RFTN1: variants seen among roughly 807,000 people sequenced by gnomAD.
RFTN1 encodes raftlin, lipid raft linker 1.
A neutral mutation model predicts 46.5 loss-of-function variants in RFTN1; 26 were observed. The observed-to-expected ratio is 0.56, with a 90% CI of 0.41 to 0.78. RFTN1 has a LOEUF of 0.78. RFTN1 is among the 30% of genes least tolerant of loss of function. RFTN1 has a pLI of 0.00. For synonymous variants in RFTN1, 261 were observed against 284.2 expected (o/e 0.92, Z 0.82); for missense variants, 693 against 718.7 (o/e 0.96, Z 0.41).
chr3:16,445,838 A>C (rs952892009), intron 2 of RFTN1, among the ~76,000 whole-genome samples: 1 of 152,178 alleles, frequency 6.6e-6, no homozygotes, highest in Non-Finnish European at 1.5e-5. Flanking sequence ...TCCATTGGAC[A>C]GCTCTGTTCT....
At position 16,353,753 on chromosome 3, in the gene RFTN1, C is replaced by T. The variant is rs1559851368; in HGVS notation, c.1146+4179G>A. 6.6e-6 allele frequency among the ~76,000 whole-genome samples: 1 copy of T among 152,132 alleles called. No individual in the cohort carries two copies. Among genetic ancestry groups the T allele is most frequent in the South Asian group, 2.1e-4 (1 of 4,822 alleles). ...GAGACACCAGAGTAGCCCCCTCCCA[C>T]CTGTGCGTGCTCAGAGGCAAGGGCA... On this transcript the variant is annotated intron_variant, in intron 7 of 9. Transcript: ENST00000334133. This position sits in a 1 kb window ranked among gnomAD's most constrained non-coding sequence, Gnocchi z 5.4.
Position 16,320,767 on chromosome 3 carries a change from A to C in RFTN1, c.1332+2609T>G, listed in dbSNP as rs149495138. Among the ~76,000 whole-genome samples the C allele has an allele frequency of 5.7e-3, 867 of 152,318 alleles. 7 individuals are homozygous for C. Among genetic ancestry groups the C allele is most frequent in the African/African-American group, 0.02 (817 of 41,556 alleles). ...AGGCCACAGAGGAGCTGGAGGCCAC[A>C]GAGAATGGGAGGCTGGCAGAGGAGG... On this transcript the variant is annotated intron_variant, in intron 9 of 9. Coordinates refer to ENST00000334133, the MANE Select transcript of RFTN1 (RefSeq NM_015150.2). The surrounding 1 kb of genome is among the most constrained non-coding windows in gnomAD (Gnocchi z 4.5).
intron 1 of RFTN1, among the ~76,000 whole-genome samples, chr3:16,495,101 G>C (rs1406644925): frequency 6.6e-6 from 1 of 152,164 alleles, no homozygotes; most frequent in African/African-American, 2.4e-5. Flanking sequence ...TGAAAGAATG[G>C]ATGAGAACAG....
At chr3:16,435,547 G>T (rs2075490978) in intron 2 of RFTN1, among the ~76,000 whole-genome samples, 1 of 152,160 alleles carries the variant, frequency 6.6e-6, no homozygotes, top group African/African-American at 2.4e-5. Flanking sequence ...TCCAGCCTGG[G>T]CAACAAGAGC....
In RFTN1 at chr3:16,336,102, CAGAA is replaced by C. The variant is rs1316700887; in HGVS notation, c.1147-9230_1147-9227del. On this transcript the variant is annotated intron_variant, in intron 7 of 9. Transcript: ENST00000334133. This position sits in a 1 kb window ranked among gnomAD's most constrained non-coding sequence, Gnocchi z 6.0. ...GGCAGGGTGGACAGGAATGCCAAGA[CAGAA>C]AGAAGGGCCACTTCACCTCTACCTC... 6.6e-6 allele frequency among the ~76,000 whole-genome samples: 1 copy of C among 152,180 alleles called. No homozygotes were observed. Among genetic ancestry groups the C allele is most frequent in the African/African-American group, 2.4e-5 (1 of 41,440 alleles).
chr3:16,475,461 T>A lies in RFTN1; in HGVS notation c.145+18264A>T, dbSNP rs983953032. 6.6e-6 allele frequency among the ~76,000 whole-genome samples: 1 copy of A among 152,286 alleles called. No homozygotes were observed. The highest frequency in any genetic ancestry group is 2.1e-4 in the South Asian group (1 of 4,820). The stretch of plus-strand genomic sequence containing the variant: ...AGAAGTTGAGATTGCCCCTTGGCTA[T>A]TTTAGACTACCAATGCCACAGAAAC... On this transcript the variant is annotated intron_variant, in intron 2 of 9. Coordinates refer to ENST00000334133, the MANE Select transcript of RFTN1 (RefSeq NM_015150.2). This position sits in a 1 kb window ranked among gnomAD's most constrained non-coding sequence, Gnocchi z 4.2.
At position 16,409,381 on chromosome 3, in the gene RFTN1, A is replaced by G; in HGVS notation, c.435T>C (p.Ile145=). 1.2e-6 allele frequency: 2 copies of G among 1,606,004 alleles called. No homozygotes were observed. Among genetic ancestry groups the G allele is most frequent in the Non-Finnish European group, 1.7e-6 (2 of 1,172,772 alleles). ...PTDQKLIPEF[I]KKIQEAASQG... ...CCCTGACTGTAGCGCTCACCTTCTT[A>G]ATGAACTCTGGGATGAGTTTCTGGT... is the stretch of plus-strand genomic sequence containing the variant. The change falls in exon 4 of 10, where the codon ATT becomes ATC. Residue 145 remains isoleucine (I), a synonymous_variant. Transcript: ENST00000334133.
chr3:16,397,385 G>A (rs2074493993), intron 4 of RFTN1, among the ~76,000 whole-genome samples: 1 of 152,222 alleles, frequency 6.6e-6, no homozygotes, highest in Non-Finnish European at 1.5e-5. Context: ...GTACGAAATT[G>A]AAGATATGCA....
chr3:16,387,040 T>C lies in RFTN1; in HGVS notation c.442-8938A>G, dbSNP rs1405510480. ...TGGGACATATGGTCACCTGGTTCAG[T>C]GTGACCAGCAGTGAAGACCCAGAAA... On this transcript the variant is annotated intron_variant, in intron 4 of 9. Transcript: ENST00000334133. This position sits in a 1 kb window ranked among gnomAD's most constrained non-coding sequence, Gnocchi z 5.2. 6.6e-6 allele frequency among the ~76,000 whole-genome samples: 1 copy of C among 152,218 alleles called. No homozygotes were observed. The highest frequency in any genetic ancestry group is 1.5e-5 in the Non-Finnish European group (1 of 68,040).
rs1038107542 is a variant in RFTN1, at chr3:16,338,807, C to T, written c.1147-11931G>A. Among the ~76,000 whole-genome samples the T allele has an allele frequency of 1.9e-4, 29 of 152,124 alleles. No homozygotes were observed. The highest frequency in any genetic ancestry group is 1.8e-3 in the Admixed American group (28 of 15,270). On this transcript the variant is annotated intron_variant, in intron 7 of 9. Transcript: ENST00000334133. This position sits in a 1 kb window ranked among gnomAD's most constrained non-coding sequence, Gnocchi z 5.3. The stretch of plus-strand genomic sequence containing the variant: ...AAAGGGATTGAAAAAAGGAGCTTTT[C>T]CAAAGTGTATAATTAAAAAGTTGTT...
intron 8 of RFTN1, among the ~76,000 whole-genome samples, chr3:16,324,620 C>CCCCCA (rs971398885): frequency 7.0e-6 from 1 of 142,888 alleles, no homozygotes; most frequent in African/African-American, 2.6e-5. Flanking sequence ...CTGACCCCCC[C>CCCCCA]CCTTTTAAGG....
intron 6 of RFTN1, among the ~76,000 whole-genome samples, chr3:16,363,145 CAA>C (rs1265653052): frequency 6.6e-6 from 1 of 152,180 alleles, no homozygotes; most frequent in Non-Finnish European, 1.5e-5. Flanking sequence ...TCTGTAACAG[CAA>C]AAAAGTCAAT....
intron 2 of RFTN1, among the ~76,000 whole-genome samples, chr3:16,476,671 CAGAG>C (rs1242210488): frequency 1.3e-5 from 2 of 152,160 alleles, no homozygotes; most frequent in Non-Finnish European, 2.9e-5. Flanking sequence ...ATTACCCCAT[CAGAG>C]AGAAACACCC....
intron 2 of RFTN1, among the ~76,000 whole-genome samples, chr3:16,464,990 C>T (rs1445335657): frequency 2.6e-5 from 4 of 152,300 alleles, no homozygotes; most frequent in South Asian, 2.1e-4. Flanking sequence ...TAATTTGCTT[C>T]CCATCACAAT....
In RFTN1 at chr3:16,484,013, C is replaced by G. The variant is rs1213882760; in HGVS notation, c.145+9712G>C. ...CTAATGATTAGTTTTAAAGGCTTTT[C>G]TGGAGATTGACATTATTTTAGATGA... On this transcript the variant is annotated intron_variant, in intron 2 of 9. Coordinates refer to ENST00000334133, the MANE Select transcript of RFTN1 (RefSeq NM_015150.2). This position sits in a 1 kb window ranked among gnomAD's most constrained non-coding sequence, Gnocchi z 4.6. Among the ~76,000 whole-genome samples, 1 of 152,172 alleles carries G rather than the reference C, an allele frequency of 6.6e-6. No homozygotes were observed. The highest frequency in any genetic ancestry group is 1.5e-5 in the Non-Finnish European group (1 of 68,026).
At position 16,385,802 on chromosome 3, in the gene RFTN1, G is replaced by A. The variant is rs1220310794; in HGVS notation, c.442-7700C>T. Among the ~76,000 whole-genome samples the A allele has an allele frequency of 1.3e-5, 2 of 152,144 alleles. No individual in the cohort carries two copies. The highest frequency in any genetic ancestry group is 2.9e-5 in the Non-Finnish European group (2 of 68,030). On this transcript the variant is annotated intron_variant, in intron 4 of 9. Transcript: ENST00000334133. This position sits in a 1 kb window ranked among gnomAD's most constrained non-coding sequence, Gnocchi z 5.0. Reference sequence around the variant, plus strand: ...CCAGAACATCCCAATCTTCCTCAGTGTATGCCCATCAGCAGAATTCAACAT... The same window carrying A: ...CCAGAACATCCCAATCTTCCTCAGTATATGCCCATCAGCAGAATTCAACAT...
At chr3:16,404,115 A>ATTT (rs1476509720) in intron 4 of RFTN1, among the ~76,000 whole-genome samples, 1 of 9,168 alleles carries the variant, frequency 1.1e-4, no homozygotes, top group Admixed American at 2.4e-3. Flanking sequence ...ATAATATATA[A>ATTT]TATACATTTT....
chr3:16,434,220 AAGGCATTAATAATTGGATGTCGGCC>A (rs1300187674), intron 2 of RFTN1, among the ~76,000 whole-genome samples, 183 bp from the exon 3 acceptor site: 1 of 152,102 alleles, frequency 6.6e-6, no homozygotes, highest in African/African-American at 2.4e-5. Flanking sequence ...AAATCACCCA[AAGGCATTAATAATTGGATGTCGGCC>A]AGGCGTGATG....
In RFTN1 at chr3:16,450,781, C is replaced by CTTTT. The variant is rs545664310; in HGVS notation, c.146-16748_146-16745dup. 6.7e-6 allele frequency among the ~76,000 whole-genome samples: 1 copy of CTTTT among 149,918 alleles called. No homozygotes were observed. Among genetic ancestry groups the CTTTT allele is most frequent in the Non-Finnish European group, 1.5e-5 (1 of 67,358 alleles). ...ACCCTGTTCTCAAGTCTCTTTCTTT[C>CTTTT]TTTTTTTTTTCCATCATAAGAAAAC... On this transcript the variant is annotated intron_variant, in intron 2 of 9. Coordinates refer to ENST00000334133, the MANE Select transcript of RFTN1 (RefSeq NM_015150.2). This position sits in a 1 kb window ranked among gnomAD's most constrained non-coding sequence, Gnocchi z 4.6.
Sources: allele counts gnomAD v4.1 joint callset (sites outside exome capture counted in the v4.1 genomes callset), GRCh38; gene constraint gnomAD v4.1.1; non-coding constraint Gnocchi (gnomAD v3.1); transcripts MANE v1.5; gene names NCBI Gene and HGNC (gene_info 2026-07-23, HGNC 2026-07-21).